Variants in GNA11 observed in about 807,000 individuals in gnomAD.
GNA11 encodes guanine nucleotide-binding protein subunit alpha-11.
A neutral mutation model predicts 38.2 loss-of-function variants in GNA11; 8 were observed. The ratio of observed to expected loss-of-function variants is 0.21; its 90% CI spans 0.12 to 0.38. The LOEUF (loss-of-function observed/expected upper bound fraction) is 0.38. Ranked by LOEUF, GNA11 falls within the 10% of genes least tolerant of loss-of-function variation. The pLI is 1.00. For synonymous variants in GNA11, 211 were observed against 221.4 expected, an observed-to-expected ratio of 0.95 and a Z score of 0.42; for missense variants, 268 against 516.3, an observed-to-expected ratio of 0.52 and a Z score of 4.66.
At chr19:3,105,693 C>T (rs1261496082) in intron 1 of GNA11, among the ~76,000 whole-genome samples, 5 of 152,162 alleles carry the variant, frequency 3.3e-5, no homozygotes, top group African/African-American at 1.2e-4. Flanking sequence ...CCACTTGGTG[C>T]GTTGCCCTTG....
chr19:3,098,864 T>C (rs1284977918), intron 1 of GNA11, among the ~76,000 whole-genome samples: 2 of 152,194 alleles, frequency 1.3e-5, no homozygotes, highest in Non-Finnish European at 2.9e-5. Context: ...CGTGGGGACT[T>C]GGTCCGGGCC....
At chr19:3,103,334 T>C (rs563418480) in intron 1 of GNA11, among the ~76,000 whole-genome samples, 2 of 151,948 alleles carry the variant, frequency 1.3e-5, no homozygotes, top group Admixed American at 6.6e-5. Context: ...TGCCTCAGCC[T>C]CCCGAGAAGC....
chr19:3,100,184 C>G (rs1279024196), intron 1 of GNA11, among the ~76,000 whole-genome samples: 2 of 152,186 alleles, frequency 1.3e-5, no homozygotes, highest in Non-Finnish European at 2.9e-5. Flanking sequence ...GCCTCGGCTC[C>G]GTGGGTGTTT....
At position 3,110,710 on chromosome 19, in the gene GNA11, G is replaced by T. The variant is rs1306433152; in HGVS notation, c.321+377G>T. Among the ~76,000 whole-genome samples, 3 of 152,232 alleles carry T rather than the reference G, an allele frequency of 2.0e-5. No homozygotes were observed. The highest frequency in any genetic ancestry group is 4.4e-5 in the Non-Finnish European group (3 of 68,038). On this transcript the variant is annotated intron_variant, in intron 2 of 6. Coordinates refer to ENST00000078429, the MANE Select transcript of GNA11 (RefSeq NM_002067.5). This position sits in a 1 kb window ranked among gnomAD's most constrained non-coding sequence, Gnocchi z 5.4. ...CTGGTTCCGGCCCCTTCCCCAGGCT[G>T]AGCAGCCTACCAGGCACCTCGTTTC...
chr19:3,106,158 C>T (rs1913634303), intron 1 of GNA11, among the ~76,000 whole-genome samples: 1 of 152,088 alleles, frequency 6.6e-6, no homozygotes, highest in Admixed American at 6.5e-5. Context: ...GGCTTTGGGG[C>T]CACATGGCTG....
In GNA11 at chr19:3,123,448, C is replaced by T. The variant is rs1914137151; in HGVS notation, c.*2269C>T. ...GCAGTGGTTCTCGTGCCAGTGGCAC[C>T]CAGGGGCAAGGACAGCCAACCCCCA... On this transcript the variant is annotated 3_prime_UTR_variant, in exon 7 of 7. Transcript: ENST00000078429. The T allele has an allele frequency of 4.3e-6, 1 of 233,228 alleles. No individual in the cohort carries two copies. Among genetic ancestry groups the T allele is most frequent in the Non-Finnish European group, 8.5e-6 (1 of 118,086 alleles). The allele number at this position is 233,228 out of a possible 1,614,324, so 14.4% of individuals were successfully genotyped here.
chr19:3,097,362 C>T (rs539126943), intron 1 of GNA11, among the ~76,000 whole-genome samples: 16 of 152,270 alleles, frequency 1.1e-4, no homozygotes, highest in Non-Finnish European at 1.8e-4. Flanking sequence ...CATCCCTCCT[C>T]CCCCATGGCT....
intron 3 of GNA11, among the ~76,000 whole-genome samples, chr19:3,114,730 C>T (rs1289166335): frequency 6.6e-6 from 1 of 152,192 alleles, no homozygotes; most frequent in East Asian, 1.9e-4. Flanking sequence ...CCTGAGACCC[C>T]AGAGAGGATA....
At chr19:3,114,806 G>C in intron 3 of GNA11, 138 bp from the exon 4 acceptor site, 1 of 784,452 alleles carries the variant, frequency 1.3e-6, no homozygotes, top group South Asian at 1.7e-5. Flanking sequence ...GGCTGCTTCA[G>C]ACACTGCCGT....
In GNA11 at chr19:3,121,691, G is replaced by A. The variant is rs1361858680; in HGVS notation, c.*512G>A. 1.7e-5 allele frequency: 4 copies of A among 232,582 alleles called. No individual in the cohort carries two copies. The highest frequency in any genetic ancestry group is 5.6e-5 in the Admixed American group (1 of 17,740). The allele number at this position is 232,582 out of a possible 1,614,324, so 14.4% of individuals were successfully genotyped here. ...TTCATCACAAAAGGCGTGGAGACTC[G>A]GAGACGGACGTTTTTCCCCTTTTTT... On this transcript the variant is annotated 3_prime_UTR_variant, in exon 7 of 7. Transcript: ENST00000078429.
intron 1 of GNA11, among the ~76,000 whole-genome samples, chr19:3,096,228 C>T (rs533920809): frequency 9.9e-5 from 15 of 152,082 alleles, no homozygotes; most frequent in Admixed American, 9.8e-4. Flanking sequence ...TGATTTTTTT[C>T]CCCAAACTTG....
At chr19:3,105,519 C>T (rs1263135249) in intron 1 of GNA11, among the ~76,000 whole-genome samples, 5 of 152,216 alleles carry the variant, frequency 3.3e-5, no homozygotes, top group South Asian at 2.1e-4. Flanking sequence ...TGTCCTCATG[C>T]GGACGGGATC....
intron 2 of GNA11, among the ~76,000 whole-genome samples, chr19:3,112,440 A>G (rs1410374622): frequency 6.6e-6 from 1 of 152,190 alleles, no homozygotes. Flanking sequence ...GGTCCCACCC[A>G]GTATGTCCCC....
chr19:3,121,301 A>ATTT lies in GNA11; in HGVS notation c.*131_*133dup. 2 of 534,094 alleles carry ATTT rather than the reference A, an allele frequency of 3.7e-6. No homozygotes were observed. The highest frequency in any genetic ancestry group is 2.6e-5 in the South Asian group (1 of 38,976). The allele number at this position is 534,094 out of a possible 1,614,324, so 33.1% of individuals were successfully genotyped here. On this transcript the variant is annotated 3_prime_UTR_variant, in exon 7 of 7. Coordinates refer to ENST00000078429, the MANE Select transcript of GNA11 (RefSeq NM_002067.5). ...CCGGGGCCTCTGCCCGCGGGAGGAG[A>ATTT]TTTTTTTTTTTCATATTTTTAACAA...
At position 3,120,614 on chromosome 19, in the gene GNA11, C is replaced by A. The variant is rs993129993; in HGVS notation, c.890-375C>A. 2.6e-5 allele frequency among the ~76,000 whole-genome samples: 4 copies of A among 152,140 alleles called. No individual in the cohort carries two copies. Among genetic ancestry groups the A allele is most frequent in the Non-Finnish European group, 5.9e-5 (4 of 67,996 alleles). ...CTGCTCTGTAGGCTCTGTGCCCAGCCCTGGGGGCCTCTCCTCTCACCCTGG... is the reference window on the plus strand; with the variant it reads ...CTGCTCTGTAGGCTCTGTGCCCAGCACTGGGGGCCTCTCCTCTCACCCTGG... On this transcript the variant is annotated intron_variant, in intron 6 of 6. Transcript: ENST00000078429. This position sits in a 1 kb window ranked among gnomAD's most constrained non-coding sequence, Gnocchi z 5.9.
chr19:3,098,985 C>T (rs760162543), intron 1 of GNA11, among the ~76,000 whole-genome samples: 6 of 152,212 alleles, frequency 3.9e-5, no homozygotes, highest in African/African-American at 7.2e-5. Flanking sequence ...CTGTGAGCTC[C>T]GTGGAGCTTC....
intron 1 of GNA11, among the ~76,000 whole-genome samples, chr19:3,105,217 G>C (rs1468684276): frequency 2.0e-5 from 3 of 151,194 alleles, no homozygotes; most frequent in Non-Finnish European, 4.4e-5. Flanking sequence ...TTTCATGGCC[G>C]GACCCCTGGC....
chr19:3,118,360 C>T (rs925080799), intron 4 of GNA11: 1 of 152,876 alleles, frequency 6.5e-6, no homozygotes, highest in African/African-American at 2.4e-5. Flanking sequence ...TGTGCGTGGC[C>T]TGAGAGTGTG....
chr19:3,098,018 G>A (rs767962690), intron 1 of GNA11, among the ~76,000 whole-genome samples: 2 of 152,240 alleles, frequency 1.3e-5, no homozygotes, highest in African/African-American at 2.4e-5. Context: ...TAAAATGCTC[G>A]TGGCAAAGCT....
Sources: allele counts gnomAD v4.1 joint callset (sites outside exome capture counted in the v4.1 genomes callset), GRCh38; gene constraint gnomAD v4.1.1; non-coding constraint Gnocchi (gnomAD v3.1); transcripts MANE v1.5; gene names NCBI Gene and HGNC (gene_info 2026-07-23, HGNC 2026-07-21).